Variants in SETBP1 observed in about 807,000 individuals in gnomAD.
The protein encoded by SETBP1 is SET binding protein 1.
A neutral mutation model predicts 101.0 loss-of-function variants in SETBP1; 9 were observed. The ratio of observed to expected loss-of-function variants is 0.09; its 90% CI spans 0.05 to 0.16. The LOEUF (loss-of-function observed/expected upper bound fraction) is 0.16. SETBP1 is among the 10% of genes least tolerant of loss of function. The probability of loss-of-function intolerance (pLI) is 1.00; values close to 1 mark genes in which losing one functional copy is unlikely to be tolerated. For synonymous variants in SETBP1, 818 were observed against 788.5 expected, an observed-to-expected ratio of 1.04 and a Z score of -0.63; for missense variants, 1,858 against 2,033.8, an observed-to-expected ratio of 0.91 and a Z score of 1.66.
chr18:45,027,768 T>C (rs1035370069), intron 4 of SETBP1, among the ~76,000 whole-genome samples: 1 of 152,196 alleles, frequency 6.6e-6, no homozygotes, highest in African/African-American at 2.4e-5. Flanking sequence ...ACAAACTTAG[T>C]GGCTTAAACA....
chr18:44,720,907 A>AC (rs1267104216), intron 2 of SETBP1, among the ~76,000 whole-genome samples: 12 of 81,222 alleles, frequency 1.5e-4, no homozygotes, highest in Admixed American at 1.4e-3. Flanking sequence ...TCCAACCCCC[A>AC]CCCCCCACCC....
chr18:44,978,131 A>G (rs1008878793), intron 4 of SETBP1, among the ~76,000 whole-genome samples: 4 of 152,192 alleles, frequency 2.6e-5, no homozygotes, highest in African/African-American at 9.6e-5. Flanking sequence ...AGGAAAAAAC[A>G]TAGCTCCATT....
intron 2 of SETBP1, among the ~76,000 whole-genome samples, chr18:44,817,449 G>C (rs941595625): frequency 2.2e-4 from 34 of 152,196 alleles, no homozygotes; most frequent in African/African-American, 7.7e-4. Flanking sequence ...ACTTTGGGAG[G>C]CCGAGGCAGG....
At chr18:45,016,317 G>T (rs1385997021) in intron 4 of SETBP1, among the ~76,000 whole-genome samples, 1 of 152,162 alleles carries the variant, frequency 6.6e-6, no homozygotes, top group Non-Finnish European at 1.5e-5. Flanking sequence ...AAGCCAGGGT[G>T]CAACTGAGAA....
intron 4 of SETBP1, among the ~76,000 whole-genome samples, chr18:44,958,033 T>A (rs1332102681): frequency 6.6e-6 from 1 of 152,224 alleles, no homozygotes; most frequent in African/African-American, 2.4e-5. Context: ...TCTCTCACAC[T>A]AACCAGCTGA....
chr18:44,813,420 T>G (rs993018536), intron 2 of SETBP1, among the ~76,000 whole-genome samples: 40 of 152,072 alleles, frequency 2.6e-4, no homozygotes, highest in Admixed American at 2.6e-3. Flanking sequence ...AAGAAGCCAA[T>G]AGCCCACTCA....
chr18:44,682,932 C>T (rs886999708), intron 1 of SETBP1, among the ~76,000 whole-genome samples: 7 of 151,428 alleles, frequency 4.6e-5, no homozygotes, highest in Admixed American at 6.6e-5. Flanking sequence ...AATGCACCAC[C>T]GGGAGCCAGA....
At chr18:44,731,917 T>A (rs532636662) in intron 2 of SETBP1, among the ~76,000 whole-genome samples, 1 of 152,332 alleles carries the variant, frequency 6.6e-6, no homozygotes, top group Admixed American at 6.5e-5. Context: ...TAATTCTGAT[T>A]GTTTGCCCTG....
chr18:44,973,300 T>C lies in SETBP1; in HGVS notation c.4000+19960T>C, dbSNP rs142617127. On this transcript the variant is annotated intron_variant, in intron 4 of 5. Transcript: ENST00000649279. ...TTGCCAATATTTTATTGAGGATTTT[T>C]GTATCAATGTTCATCAGGGATATTC... 6.5e-3 allele frequency among the ~76,000 whole-genome samples: 986 copies of C among 152,352 alleles called. 8 individuals carry two copies. Among genetic ancestry groups the C allele is most frequent in the African/African-American group, 0.022 (920 of 41,578 alleles).
At chr18:44,764,903 C>T (rs2070734358) in intron 2 of SETBP1, among the ~76,000 whole-genome samples, 2 of 152,232 alleles carry the variant, frequency 1.3e-5, no homozygotes, top group South Asian at 2.1e-4. Flanking sequence ...GGACTTTGCT[C>T]TGCTCACATT....
rs576951508 is a variant in SETBP1, at chr18:44,789,050, G to A, written c.487-80180G>A. ...ATCCCTGGGCTCAAGTAATTCACCC[G>A]CCTTGACCTCCCAAAGTGTGGGGAT... On this transcript the variant is annotated intron_variant, in intron 2 of 5. Coordinates refer to ENST00000649279, the MANE Select transcript of SETBP1 (RefSeq NM_015559.3). Among the ~76,000 whole-genome samples the A allele has an allele frequency of 2.1e-4, 32 of 152,048 alleles. No homozygotes were observed. In the South Asian group the frequency reaches 5.4e-3, roughly 26 times the overall value.
chr18:44,777,663 C>T (rs373885942), intron 2 of SETBP1, among the ~76,000 whole-genome samples: 6 of 152,148 alleles, frequency 3.9e-5, no homozygotes, highest in Non-Finnish European at 7.4e-5. Flanking sequence ...CCTGGACACC[C>T]GTCAAGGAGG....
intron 2 of SETBP1, among the ~76,000 whole-genome samples, chr18:44,741,302 A>G (rs1350354216): frequency 2.0e-5 from 3 of 152,162 alleles, no homozygotes; most frequent in Non-Finnish European, 4.4e-5. Flanking sequence ...TGGGAGGATA[A>G]GAGGGATGAT....
intron 3 of SETBP1, among the ~76,000 whole-genome samples, chr18:44,881,843 A>G (rs981875331): frequency 1.3e-5 from 2 of 152,192 alleles, no homozygotes; most frequent in Non-Finnish European, 2.9e-5. Context: ...GTTCTAGTAA[A>G]TGTGACAGTC....
intron 2 of SETBP1, among the ~76,000 whole-genome samples, chr18:44,811,535 A>C (rs1023939782): frequency 6.6e-6 from 1 of 152,278 alleles, no homozygotes; most frequent in Admixed American, 6.5e-5. Flanking sequence ...GCTGCTGTGC[A>C]GTCATATGAC....
chr18:44,838,187 C>T (rs1226902305), intron 2 of SETBP1, among the ~76,000 whole-genome samples: 4 of 152,176 alleles, frequency 2.6e-5, no homozygotes, highest in Non-Finnish European at 1.5e-5. Context: ...CATTTAACAC[C>T]CAGCTATATT....
intron 3 of SETBP1, among the ~76,000 whole-genome samples, chr18:44,928,470 G>T (rs2070753187): frequency 6.6e-6 from 1 of 152,182 alleles, no homozygotes; most frequent in Non-Finnish European, 1.5e-5. Context: ...AGGTCAAATG[G>T]TATTTCTAGT....
At chr18:44,941,783 A>G (rs1318752617) in intron 3 of SETBP1, among the ~76,000 whole-genome samples, 1 of 150,996 alleles carries the variant, frequency 6.6e-6, no homozygotes, top group Non-Finnish European at 1.5e-5. Context: ...TGTTTGAGAT[A>G]TTGTATTTTT....
intron 4 of SETBP1, chr18:44,989,141 A>C (rs2072300875): frequency 6.6e-6 from 1 of 152,198 alleles, no homozygotes; most frequent in African/African-American, 2.4e-5. Context: ...AATTAGACCC[A>C]CTATATCTGG....
Sources: allele counts gnomAD v4.1 joint callset (sites outside exome capture counted in the v4.1 genomes callset), GRCh38; gene constraint gnomAD v4.1.1; transcripts MANE v1.5; gene names NCBI Gene and HGNC (gene_info 2026-07-23, HGNC 2026-07-21).